Variants in RUVBL1 observed in about 807,000 individuals in gnomAD.
RUVBL1 encodes RuvB like AAA ATPase 1, also known as ruvB-like 1.
Under a neutral mutation model 52.4 loss-of-function variants are expected in RUVBL1, and 4 were observed. The observed-to-expected ratio is 0.08, with a 90% CI of 0.04 to 0.17. The LOEUF (loss-of-function observed/expected upper bound fraction) is 0.17. Among genes scored for constraint, RUVBL1 ranks in the 10% least tolerant of loss-of-function variants. The probability of loss-of-function intolerance (pLI) is 1.00; values close to 1 mark genes in which losing one functional copy is unlikely to be tolerated. For synonymous variants in RUVBL1, 217 were observed against 214.4 expected, an observed-to-expected ratio of 1.01 and a Z score of -0.10; for missense variants, 298 against 572.8, an observed-to-expected ratio of 0.52 and a Z score of 4.90.
chr3:128,107,072 G>C (rs1448066348), intron 3 of RUVBL1, among the ~76,000 whole-genome samples: 1 of 152,136 alleles, frequency 6.6e-6, no homozygotes, highest in Non-Finnish European at 1.5e-5. Context: ...AAAATTTTAA[G>C]TAAATAATAC....
chr3:128,086,187 G>C (rs956158950), intron 9 of RUVBL1, among the ~76,000 whole-genome samples: 2 of 151,936 alleles, frequency 1.3e-5, no homozygotes, highest in African/African-American at 4.8e-5. Context: ...TGGTGAGTAG[G>C]GGTGTCACTA....
intron 4 of RUVBL1, among the ~76,000 whole-genome samples, chr3:128,103,644 G>T (rs1943158104): frequency 6.6e-6 from 1 of 152,206 alleles, no homozygotes; most frequent in Non-Finnish European, 1.5e-5. Context: ...CACACAGCAA[G>T]CTGGTGGGCA....
chr3:128,107,807 A>C (rs1943281050), intron 3 of RUVBL1, among the ~76,000 whole-genome samples: 1 of 152,252 alleles, frequency 6.6e-6, no homozygotes, highest in Non-Finnish European at 1.5e-5. Flanking sequence ...TGTACTTTTA[A>C]AGTGAACTTT....
intron 9 of RUVBL1, chr3:128,083,197 G>A (rs1245132988): frequency 1.3e-5 from 2 of 153,190 alleles, no homozygotes; most frequent in African/African-American, 2.4e-5. Context: ...CTGTAACACG[G>A]TGGACCAGGA....
chr3:128,148,532 C>A (rs1944137587), intron 1 of RUVBL1, among the ~76,000 whole-genome samples: 1 of 152,052 alleles, frequency 6.6e-6, no homozygotes, highest in Non-Finnish European at 1.5e-5. Flanking sequence ...TGTGAGCCTG[C>A]AGTTAGGAGG....
chr3:128,125,218 T>A (rs970599823), upstream of RUVBL1, among the ~76,000 whole-genome samples: 5 of 152,040 alleles, frequency 3.3e-5, no homozygotes, highest in Admixed American at 6.5e-5. Flanking sequence ...GGTTTCACCG[T>A]GTTAGCCAGA....
At chr3:128,118,604 G>A (rs1253305127) in intron 2 of RUVBL1, among the ~76,000 whole-genome samples, 1 of 94,836 alleles carries the variant, frequency 1.1e-5, no homozygotes, top group African/African-American at 2.7e-5. Context: ...TCAAGTATCT[G>A]GCCAGTCCCC....
At chr3:128,123,460 C>G in intron 1 of RUVBL1, 124 bp downstream of exon 1, 1 of 1,241,740 alleles carries the variant, frequency 8.1e-7, no homozygotes. Context: ...TTTTCACTTC[C>G]CTGAGGAAAT....
intron 9 of RUVBL1, among the ~76,000 whole-genome samples, chr3:128,072,046 TC>T (rs1942182078): frequency 6.6e-6 from 1 of 152,314 alleles, no homozygotes; most frequent in East Asian, 1.9e-4. Flanking sequence ...GAGCCTCAGC[TC>T]CAGTACCCAG....
rs769587207 is a variant in RUVBL1 at position 128,069,470 on chromosome 3, C to T, written c.940-4250G>A. The T allele has an allele frequency of 7.6e-5, 123 of 1,608,854 alleles. No homozygotes were observed. Among genetic ancestry groups the T allele is most frequent in the Admixed American group, 2.7e-4 (16 of 59,966 alleles). The stretch of plus-strand genomic sequence containing the variant: ...GTCCAGGAGCTGACTGTGTCCCCTC[C>T]CCCAGGTACATCCCCACAGCCGCGG... On this transcript the variant is annotated intron_variant, in intron 9 of 9. Coordinates refer to the RUVBL1 transcript ENST00000464873.
chr3:128,097,051 C>T (rs1403822307), intron 8 of RUVBL1, among the ~76,000 whole-genome samples: 5 of 152,118 alleles, frequency 3.3e-5, no homozygotes, highest in East Asian at 1.9e-4. Context: ...TCCAATTGAA[C>T]GACCAAATTG....
rs144547313 is a variant in RUVBL1 at position 128,095,906 on chromosome 3, C to A, written c.1016+1394G>T. ...CAGAGAGTACACTACAGGTGCATAC[C>A]ACTGTGCCCAGCTTGGACAGTCTTA... On this transcript the variant is annotated intron_variant, in intron 8 of 10. Transcript: ENST00000322623. Among the ~76,000 whole-genome samples the A allele has an allele frequency of 2.0e-3, 310 of 152,272 alleles. 2 individuals carry two copies. The highest frequency in any genetic ancestry group is 6.7e-3 in the African/African-American group (280 of 41,552).
chr3:128,068,058 C>T (rs1942038290), intron 9 of RUVBL1: 1 of 1,613,056 alleles, frequency 6.2e-7, no homozygotes, highest in Non-Finnish European at 8.5e-7. Flanking sequence ...TGAACTCAAC[C>T]GGTGAGTGGT....
chr3:128,091,533 G>C (rs1576449011), intron 8 of RUVBL1, among the ~76,000 whole-genome samples: 1 of 152,148 alleles, frequency 6.6e-6, no homozygotes, highest in East Asian at 1.9e-4. Context: ...AGACAGTTTG[G>C]AGCTATGAAG....
Position 128,067,211 on chromosome 3 carries a change from G to A in RUVBL1, c.940-1991C>T. ...AGCTAAGTTGCAGTGGTTTCTATCA[G>A]TGTCTTGCTCATGAACAGATATTTC... On this transcript the variant is annotated intron_variant, in intron 9 of 9. Coordinates refer to the RUVBL1 transcript ENST00000464873. This position sits in a 1 kb window ranked among gnomAD's most constrained non-coding sequence, Gnocchi z 4.1. The A allele has an allele frequency of 6.7e-7, 1 of 1,497,792 alleles. No individual in the cohort carries two copies. The highest frequency in any genetic ancestry group is 9.3e-7 in the Non-Finnish European group (1 of 1,075,042). 92.8% of individuals were successfully genotyped at this position (1,497,792 alleles called of 1,614,324 possible). A position where few individuals can be genotyped will look rare whatever the true frequency, so the allele number is the denominator to read the frequency against.
intron 1 of RUVBL1, among the ~76,000 whole-genome samples, chr3:128,146,565 C>T (rs1210900061): frequency 1.5e-5 from 2 of 133,812 alleles, no homozygotes; most frequent in South Asian, 2.5e-4. Context: ...TGTGCATGTG[C>T]GTCTGTGTAT....
At chr3:128,149,455 G>A (rs138526847) in intron 1 of RUVBL1, among the ~76,000 whole-genome samples, 300 of 152,062 alleles carry the variant, frequency 2.0e-3, no homozygotes, top group African/African-American at 6.6e-3. Context: ...AAAGTGCTGG[G>A]GTTACAGGTG....
chr3:128,065,216 G>C, exon 10 of RUVBL1: 1 of 736,466 alleles, frequency 1.4e-6, no homozygotes, highest in Middle Eastern at 2.3e-4. Flanking sequence ...ATTGAGTCAT[G>C]GGACCTGCCA....
At chr3:128,078,262 G>A (rs564967112), downstream of RUVBL1, among the ~76,000 whole-genome samples, 1 of 152,222 alleles carries the variant, frequency 6.6e-6, no homozygotes, top group African/African-American at 2.4e-5. Context: ...TCACTCTCTG[G>A]TGTGACAGCA....
Sources: allele counts gnomAD v4.1 joint callset (sites outside exome capture counted in the v4.1 genomes callset), GRCh38; gene constraint gnomAD v4.1.1; non-coding constraint Gnocchi (gnomAD v3.1); transcripts MANE v1.5; gene names NCBI Gene and HGNC (gene_info 2026-07-23, HGNC 2026-07-21).